The following IL1RAPL2 variants were observed in gnomAD, a reference collection of about 807,000 sequenced individuals.
IL1RAPL2 encodes X-linked interleukin-1 receptor accessory protein-like 2.
Under a neutral mutation model 44.1 loss-of-function variants are expected in IL1RAPL2, and 3 were observed. That is an observed-to-expected ratio of 0.07 (90% CI 0.03 to 0.18). The LOEUF (loss-of-function observed/expected upper bound fraction) is 0.18. IL1RAPL2 is among the 10% of genes least tolerant of loss of function. The probability of loss-of-function intolerance (pLI) is 1.00; values close to 1 mark genes in which losing one functional copy is unlikely to be tolerated. For synonymous variants in IL1RAPL2, 181 were observed against 178.8 expected (o/e 1.01, Z -0.10); for missense variants, 391 against 496.4 (o/e 0.79, Z 2.02).
chrX:105,239,779 C>T (rs1165883683), intron 4 of IL1RAPL2, among the ~76,000 whole-genome samples: 6 of 111,035 alleles, frequency 5.4e-5, no homozygotes, highest in South Asian at 3.8e-4. Context: ...CTGATGTTCT[C>T]GGAAGATCCA....
At chrX:105,400,666 A>G (rs1354442278) in intron 5 of IL1RAPL2, among the ~76,000 whole-genome samples, 1 of 109,059 alleles carries the variant, frequency 9.2e-6, no homozygotes, top group Non-Finnish European at 1.9e-5. Flanking sequence ...ATGCAGTTAT[A>G]TTACCTGGTT....
chrX:105,651,079 G>C (rs2037639532), intron 6 of IL1RAPL2, among the ~76,000 whole-genome samples: 1 of 111,786 alleles, frequency 8.9e-6, no homozygotes, highest in South Asian at 3.7e-4. Context: ...TTAATTGTGT[G>C]ACTATTTGGC....
chrX:104,692,653 G>A (rs749850138), intron 2 of IL1RAPL2, among the ~76,000 whole-genome samples: 1 of 110,688 alleles, frequency 9.0e-6, no homozygotes, highest in East Asian at 2.9e-4. Flanking sequence ...CTTCCTCCAT[G>A]TCCCTACAAA....
At chrX:104,856,184 T>C (rs985739828) in intron 2 of IL1RAPL2, among the ~76,000 whole-genome samples, 1 of 112,090 alleles carries the variant, frequency 8.9e-6, no homozygotes, top group Non-Finnish European at 1.9e-5. Context: ...AAAACAACAG[T>C]ATGTGGTATT....
At chrX:105,253,939 C>G (rs1262178623) in intron 4 of IL1RAPL2, among the ~76,000 whole-genome samples, 2 of 111,811 alleles carry the variant, frequency 1.8e-5, no homozygotes, top group Non-Finnish European at 3.8e-5. Flanking sequence ...TTTTCTTTAT[C>G]CAATCTGTCA....
At chrX:104,833,830 A>G (rs1226076489) in intron 2 of IL1RAPL2, among the ~76,000 whole-genome samples, 4 of 112,162 alleles carry the variant, frequency 3.6e-5, no homozygotes, top group Non-Finnish European at 5.6e-5. Flanking sequence ...AGGAGAAGAA[A>G]TCTATGAAGT....
At chrX:105,210,668 C>T (rs2033801071) in intron 3 of IL1RAPL2, among the ~76,000 whole-genome samples, 1 of 111,534 alleles carries the variant, frequency 9.0e-6, no homozygotes, top group African/African-American at 3.3e-5. Context: ...TATAGACAAG[C>T]CCGAGAACAT....
intron 3 of IL1RAPL2, among the ~76,000 whole-genome samples, chrX:105,233,216 A>G (rs1462084759): frequency 9.9e-5 from 11 of 111,585 alleles, no homozygotes; most frequent in Non-Finnish European, 1.7e-4. Context: ...CCCGGGAAGC[A>G]GAGCTTACAG....
rs183893491 is a variant in IL1RAPL2, at chrX:104,819,941, T to G, written c.82+160946T>G. 3.0e-3 allele frequency among the ~76,000 whole-genome samples: 329 copies of G among 110,134 alleles called. 1 individual carries two copies. The highest frequency in any genetic ancestry group is 9.8e-3 in the African/African-American group (296 of 30,326). On this transcript the variant is annotated intron_variant, in intron 2 of 10. Transcript: ENST00000372582. Reference sequence around the variant, plus strand: ...TCATCTCTAAGTATAAATATGAGGGTTTTTTTTTAATCCTGCAAAATTTCC... The same window carrying G: ...TCATCTCTAAGTATAAATATGAGGGGTTTTTTTTAATCCTGCAAAATTTCC...
intron 2 of IL1RAPL2, among the ~76,000 whole-genome samples, chrX:105,141,930 G>C (rs776356507): frequency 1.8e-5 from 2 of 111,940 alleles, no homozygotes; most frequent in Admixed American, 9.5e-5. Context: ...ATATGCAAAT[G>C]ATTATAACTG....
intron 2 of IL1RAPL2, among the ~76,000 whole-genome samples, chrX:104,908,409 T>C (rs1190316311): frequency 1.8e-5 from 2 of 111,913 alleles, no homozygotes; most frequent in Non-Finnish European, 3.8e-5. Flanking sequence ...CTATGGTCTT[T>C]ACATTTTGGC....
chrX:105,160,573 A>G (rs1055920294), intron 2 of IL1RAPL2, among the ~76,000 whole-genome samples: 1 of 111,282 alleles, frequency 9.0e-6, no homozygotes, highest in Non-Finnish European at 1.9e-5. Context: ...GGAAAAAAAA[A>G]TATATTAAAA....
At chrX:104,997,829 T>C (rs2030775960) in intron 2 of IL1RAPL2, among the ~76,000 whole-genome samples, 1 of 111,392 alleles carries the variant, frequency 9.0e-6, no homozygotes, top group Non-Finnish European at 1.9e-5. Flanking sequence ...CAGTTTCTGA[T>C]TGAGGGTAGA....
chrX:104,842,097 T>G (rs918298951), intron 2 of IL1RAPL2, among the ~76,000 whole-genome samples: 3 of 110,357 alleles, frequency 2.7e-5, no homozygotes, highest in Non-Finnish European at 5.7e-5. Flanking sequence ...CTTTTCATTT[T>G]TTTTCTTTAA....
intron 6 of IL1RAPL2, among the ~76,000 whole-genome samples, chrX:105,681,424 TG>T (rs2037924429): frequency 8.9e-6 from 1 of 111,881 alleles, no homozygotes; most frequent in Admixed American, 9.5e-5. Flanking sequence ...TTATACATCT[TG>T]AAAAGAAAAC....
chrX:104,658,929 C>T lies in IL1RAPL2; in HGVS notation c.16C>T (p.Leu6Phe), dbSNP rs148390300. 3.8e-4 allele frequency: 455 copies of T among 1,203,410 alleles called. No individual in the cohort carries two copies. Among genetic ancestry groups the T allele is most frequent in the Middle Eastern group, 4.6e-4 (2 of 4,351 alleles). The stretch of plus-strand genomic sequence containing the variant: ...AAAGTGAAGGATGAAGCCACCATTT[C>T]TTTTGGCCCTTGTGGTCTGTTCTGT... MKPPF[L>F]LALVVCSVVS... Residue 6 changes from leucine to phenylalanine, a missense_variant, in exon 2 of 11, where the codon CTT becomes TTT. By Grantham distance (22) the Leu-to-Phe change is conservative. Coordinates refer to ENST00000372582, the MANE Select transcript of IL1RAPL2 (RefSeq NM_017416.2).
intron 8 of IL1RAPL2, among the ~76,000 whole-genome samples, chrX:105,747,545 C>CACACACATATAT (rs752916597): frequency 4.0e-5 from 4 of 99,328 alleles, no homozygotes; most frequent in Non-Finnish European, 6.0e-5. Context: ...TACACACACA[C>CACACACATATAT]ACACACATAT....
chrX:104,758,935 G>A (rs1343412152), intron 2 of IL1RAPL2, among the ~76,000 whole-genome samples: 3 of 111,552 alleles, frequency 2.7e-5, no homozygotes, highest in East Asian at 5.6e-4. Context: ...ATGAATTTTG[G>A]CGATTTTTGA....
chrX:104,924,105 G>C (rs997014095), intron 2 of IL1RAPL2, among the ~76,000 whole-genome samples: 2 of 108,394 alleles, frequency 1.8e-5, no homozygotes, highest in African/African-American at 6.6e-5. Context: ...ACAGCAAGAA[G>C]ATGTAAGTAT....
Sources: gnomAD v4.1 joint callset for allele counts (sites outside exome capture counted in the v4.1 genomes callset) on GRCh38, gnomAD v4.1.1 for gene constraint, MANE v1.5 for transcripts, NCBI Gene and HGNC (gene_info 2026-07-23, HGNC 2026-07-21) for gene names.